Variants in ZNF354B observed in about 807,000 individuals in gnomAD.
ZNF354B encodes the protein zinc finger protein 354B.
A neutral mutation model predicts 12.9 loss-of-function variants in ZNF354B; 10 were observed. The observed-to-expected ratio is 0.77, with a 90% CI of 0.48 to 1.31. ZNF354B has a LOEUF of 1.31. Ranked by LOEUF, ZNF354B falls within the 40% of genes most tolerant of loss-of-function variation. The pLI, the probability that ZNF354B is intolerant of heterozygous loss-of-function variation, is 0.00. For synonymous variants in ZNF354B, 260 were observed against 243.7 expected (o/e 1.07, Z -0.62); for missense variants, 614 against 711.7 (o/e 0.86, Z 1.56).
At chr5:178,869,687 G>C (rs375319775) in intron 4 of ZNF354B, among the ~76,000 whole-genome samples, 33 of 152,286 alleles carry the variant, frequency 2.2e-4, no homozygotes, top group Middle Eastern at 3.4e-3. Context: ...TTGTCAGTCA[G>C]TCCCTTTTCA....
chr5:178,870,335 G>A (rs986925659), intron 4 of ZNF354B, among the ~76,000 whole-genome samples: 5 of 151,954 alleles, frequency 3.3e-5, no homozygotes, highest in Non-Finnish European at 7.4e-5. Context: ...GAGTGCATTG[G>A]CGTGATTCTC....
At position 178,882,867 on chromosome 5, in the gene ZNF354B, G is replaced by A. The variant is rs1304704574; in HGVS notation, c.415G>A (p.Glu139Lys). The A allele has an allele frequency of 5.6e-6, 9 of 1,602,012 alleles. No homozygotes were observed. The highest frequency in any genetic ancestry group is 7.6e-6 in the Non-Finnish European group (9 of 1,177,298). The change falls in exon 5 of 5, where the codon GAA becomes AAA. Residue 139 changes from glutamate to lysine, a missense_variant. By Grantham distance (56) the Glu-to-Lys change is moderately conservative (BLOSUM62 1). Transcript: ENST00000322434. ...EKLKKQQDKN[E>K]NLQIISVAHT... ...ATTAAAGAAACAGCAGGACAAAAAT[G>A]AAAATTTACAAATAATTTCAGTTGC...
At chr5:178,865,023 A>G (rs1447874808) in intron 2 of ZNF354B, among the ~76,000 whole-genome samples, 1 of 152,198 alleles carries the variant, frequency 6.6e-6, no homozygotes, top group East Asian at 1.9e-4. Flanking sequence ...ACAAATAGCA[A>G]TTTATACCAT....
intron 4 of ZNF354B, among the ~76,000 whole-genome samples, chr5:178,876,754 A>G (rs1757643763): frequency 6.6e-6 from 1 of 151,768 alleles, no homozygotes; most frequent in South Asian, 2.1e-4. Flanking sequence ...TTTTCTTTTT[A>G]TTGATACTTC....
intron 4 of ZNF354B, among the ~76,000 whole-genome samples, chr5:178,876,680 A>T (rs985608508): frequency 1.3e-5 from 2 of 152,102 alleles, no homozygotes; most frequent in South Asian, 2.1e-4. Context: ...GAATTTCCCT[A>T]GTGAAATTTT....
intron 4 of ZNF354B, among the ~76,000 whole-genome samples, chr5:178,869,836 C>T (rs976069606): frequency 6.6e-6 from 1 of 152,104 alleles, no homozygotes; most frequent in East Asian, 1.9e-4. Context: ...AGATGGCATT[C>T]CTAGGGTGCT....
intron 2 of ZNF354B, among the ~76,000 whole-genome samples, chr5:178,864,008 A>T (rs1450855380): frequency 6.6e-6 from 1 of 152,244 alleles, no homozygotes; most frequent in East Asian, 1.9e-4. Context: ...GAAAAAATTA[A>T]AAAGTTTAGA....
At chr5:178,877,662 A>G (rs1757657965) in intron 4 of ZNF354B, among the ~76,000 whole-genome samples, 1 of 152,200 alleles carries the variant, frequency 6.6e-6, no homozygotes, top group Non-Finnish European at 1.5e-5. Context: ...GATCCCCATT[A>G]TTTGGAGAAC....
rs1421197635 is a variant in ZNF354B, at chr5:178,866,235, T to G, written c.34-9T>G. ...GTCCTGGGTGAGCTGGAACGACTTGTCCTTACAGGTGTCACTGACATTCGA... is the reference window on the plus strand; with the variant it reads ...GTCCTGGGTGAGCTGGAACGACTTGGCCTTACAGGTGTCACTGACATTCGA... On this transcript the variant is annotated splice_polypyrimidine_tract_variant and intron_variant, in intron 2 of 4. Transcript: ENST00000322434. 6.2e-7 allele frequency: 1 copy of G among 1,613,880 alleles called. No homozygotes were observed. Among genetic ancestry groups the G allele is most frequent in the Admixed American group, 1.7e-5 (1 of 59,972 alleles).
Position 178,884,182 on chromosome 5 carries a change from C to T in ZNF354B, c.1730C>T (p.Pro577Leu). ...AHQRIHTGEK[P>L]YECNACGKLF... Reference sequence around the variant, plus strand: ...CAAAGAATTCATACTGGAGAGAAACCCTATGAATGTAATGCATGTGGGAAA... The same window carrying T: ...CAAAGAATTCATACTGGAGAGAAACTCTATGAATGTAATGCATGTGGGAAA... Residue 577 changes from proline (P) to leucine (L), a missense_variant, in exon 5 of 5, where the codon CCC (proline) becomes CTC (leucine). By Grantham distance (98) the Pro-to-Leu change is moderately conservative. Coordinates refer to ENST00000322434, the MANE Select transcript of ZNF354B (RefSeq NM_058230.3). 1 of 1,613,930 alleles carries T rather than the reference C, an allele frequency of 6.2e-7. No homozygotes were observed. The highest frequency in any genetic ancestry group is 8.5e-7 in the Non-Finnish European group (1 of 1,179,918).
intron 4 of ZNF354B, among the ~76,000 whole-genome samples, chr5:178,881,296 CAA>C (rs145033138): frequency 0.15 from 22,514 of 151,980 alleles, 2,029 homozygotes; most frequent in African/African-American, 0.25. Context: ...GGGTGGAGAT[CAA>C]AAGTATGCTG....
chr5:178,864,213 A>G (rs1365054477), intron 2 of ZNF354B, among the ~76,000 whole-genome samples: 1 of 152,220 alleles, frequency 6.6e-6, no homozygotes. Context: ...CAAGAGCCCT[A>G]TACAGGTGTA....
At chr5:178,872,849 C>T (rs6885597) in intron 4 of ZNF354B, among the ~76,000 whole-genome samples, 84,870 of 151,856 alleles carry the variant, frequency 0.56, 24,373 homozygotes, top group Non-Finnish European at 0.61. Context: ...TACAGCGGTG[C>T]GATCTCAGCT....
intron 4 of ZNF354B, among the ~76,000 whole-genome samples, chr5:178,872,106 A>G (rs1561668481): frequency 6.6e-6 from 1 of 152,182 alleles, no homozygotes; most frequent in African/African-American, 2.4e-5. Flanking sequence ...CCGTTTTTAC[A>G]CACACCTGTT....
At position 178,882,595 on chromosome 5, in the gene ZNF354B, C is replaced by A. The variant is rs1042320023; in HGVS notation, c.257-114C>A. The stretch of plus-strand genomic sequence containing the variant: ...ATATAGTGTTTTTTAGAATTTTATC[C>A]TCTTTTAGTCATATAGCAAACCCTT... On this transcript the variant is annotated intron_variant, in intron 4 of 4. Coordinates refer to ENST00000322434, the MANE Select transcript of ZNF354B (RefSeq NM_058230.3). The A allele has an allele frequency of 4.2e-5, 44 of 1,051,452 alleles. No homozygotes were observed. The African/African-American group carries it at 7.1e-4, about 17-fold the overall frequency. 65.1% of individuals were successfully genotyped at this position (1,051,452 alleles called of 1,614,324 possible). A position where few individuals can be genotyped will look rare whatever the true frequency, so the allele number is the denominator to read the frequency against.
Position 178,883,251 on chromosome 5 carries a change from G to C in ZNF354B, c.799G>C (p.Glu267Gln), listed in dbSNP as rs1476062799. Residue 267 changes from glutamate to glutamine, a missense_variant, in exon 5 of 5, where the codon GAG (glutamate) becomes CAG (glutamine). Transcript: ENST00000322434. ...TCAACATCAAAGAACTCATACAGGA[G>C]AGAAACCCTATATATGTAAAGAATG... The part of the protein sequence containing the change: ...LIQHQRTHTG[E>Q]KPYICKECGK... The C allele has an allele frequency of 1.2e-6, 2 of 1,612,928 alleles. No individual in the cohort carries two copies. Among genetic ancestry groups the C allele is most frequent in the Non-Finnish European group, 1.7e-6 (2 of 1,179,732 alleles).
At chr5:178,876,570 T>A (rs893594970) in intron 4 of ZNF354B, among the ~76,000 whole-genome samples, 2 of 152,254 alleles carry the variant, frequency 1.3e-5, no homozygotes, top group Non-Finnish European at 2.9e-5. Flanking sequence ...TTCTGTTCAC[T>A]TTTTAAGTAT....
rs991162165 is a variant in ZNF354B at position 178,884,897 on chromosome 5, C to T, written c.*606C>T. Reference sequence around the variant, plus strand: ...TTCTCCTGAAATATATATATATATGCAGTATTAGAGCAAAGGACCAATAAG... The same window carrying T: ...TTCTCCTGAAATATATATATATATGTAGTATTAGAGCAAAGGACCAATAAG... On this transcript the variant is annotated 3_prime_UTR_variant, in exon 5 of 5. Transcript: ENST00000322434. The T allele has an allele frequency of 2.6e-5, 4 of 151,944 alleles. No individual in the cohort carries two copies. Among genetic ancestry groups the T allele is most frequent in the African/African-American group, 9.7e-5 (4 of 41,348 alleles). The allele number at this position is 151,944 out of a possible 1,614,324, so 9.4% of individuals were successfully genotyped here. A position where few individuals can be genotyped will look rare whatever the true frequency, so the allele number is the denominator to read the frequency against.
chr5:178,868,990 A>G (rs1757511452), intron 4 of ZNF354B, among the ~76,000 whole-genome samples: 1 of 150,094 alleles, frequency 6.7e-6, no homozygotes, highest in Non-Finnish European at 1.5e-5. Flanking sequence ...AAAAAAAAGA[A>G]TGGTGTTCGT....
Sources: allele counts gnomAD v4.1 joint callset (sites outside exome capture counted in the v4.1 genomes callset), GRCh38; gene constraint gnomAD v4.1.1; transcripts MANE v1.5; gene names NCBI Gene and HGNC (gene_info 2026-07-23, HGNC 2026-07-21).